The following CRHR2 variants were observed in gnomAD, a reference collection of about 807,000 sequenced individuals.
CRHR2 encodes corticotropin releasing hormone receptor 2, also known as corticotropin-releasing hormone receptor 2.
CRHR2 carries 53 observed loss-of-function variants against 57.9 expected under a neutral mutation model. The ratio of observed to expected loss-of-function variants is 0.92; its 90% CI spans 0.73 to 1.15. CRHR2 has a LOEUF of 1.15. CRHR2 is among the 50% of genes most tolerant of loss of function. The pLI, the probability that CRHR2 is intolerant of heterozygous loss-of-function variation, is 0.00. For synonymous variants in CRHR2, 213 were observed against 220.9 expected (o/e 0.96, Z 0.32); for missense variants, 532 against 542.6 (o/e 0.98, Z 0.19).
At chr7:30,676,088 T>C (rs1751652833) in intron 2 of CRHR2, among the ~76,000 whole-genome samples, 1 of 152,202 alleles carries the variant, frequency 6.6e-6, no homozygotes, top group African/African-American at 2.4e-5. Context: ...CCAGACTTGC[T>C]GTAGAACTCT....
Position 30,652,893 on chromosome 7 carries a change from C to G in CRHR2, c.*567G>C, listed in dbSNP as rs761094950. On this transcript the variant is annotated 3_prime_UTR_variant, in exon 12 of 12. Transcript: ENST00000471646. The surrounding 1 kb of genome is among the most constrained non-coding windows in gnomAD (Gnocchi z 4.4). ...TGCATCCTTCATGGAGCCCCCAAGG[C>G]GGGAGGATGGCTGGGGAGGGGACAC... 1 of 152,562 alleles carries G rather than the reference C, an allele frequency of 6.6e-6. No homozygotes were observed. Among genetic ancestry groups the G allele is most frequent in the Non-Finnish European group, 1.5e-5 (1 of 68,272 alleles). 9.5% of individuals were successfully genotyped at this position (152,562 alleles called of 1,614,324 possible). A position where few individuals can be genotyped will look rare whatever the true frequency, so the allele number is the denominator to read the frequency against.
chr7:30,671,830 TGATGATGATG>T (rs1784367106), intron 2 of CRHR2, among the ~76,000 whole-genome samples: 5 of 147,460 alleles, frequency 3.4e-5, no homozygotes, highest in Non-Finnish European at 7.4e-5. Context: ...ATGATGATGA[TGATGATGATG>T]ATAATGATGA....
At position 30,665,679 on chromosome 7, in the gene CRHR2, G is replaced by A; in HGVS notation, c.316-40C>T. 1 of 1,511,868 alleles carries A rather than the reference G, an allele frequency of 6.6e-7. No individual in the cohort carries two copies. The highest frequency in any genetic ancestry group is 9.0e-7 in the Non-Finnish European group (1 of 1,111,588). 93.7% of individuals were successfully genotyped at this position (1,511,868 alleles called of 1,614,324 possible). On this transcript the variant is annotated intron_variant, in intron 3 of 11. Transcript: ENST00000471646. This position sits in a 1 kb window ranked among gnomAD's most constrained non-coding sequence, Gnocchi z 4.5. ...ATGGGCAGGGCAGATGGAGGCATGG[G>A]CACGTGGGGGTGGGGCTGGGTATTC...
At chr7:30,679,574 A>T (rs1339635705) in intron 2 of CRHR2, among the ~76,000 whole-genome samples, 1 of 152,156 alleles carries the variant, frequency 6.6e-6, no homozygotes, top group Non-Finnish European at 1.5e-5. Context: ...TGAGTTGAAA[A>T]ATCGCAGAGA....
At chr7:30,676,680 G>C (rs375017146) in intron 2 of CRHR2, among the ~76,000 whole-genome samples, 2 of 152,348 alleles carry the variant, frequency 1.3e-5, no homozygotes, top group East Asian at 3.9e-4. Context: ...CTGAGGGCAG[G>C]TCTCAGCCTT....
intron 1 of CRHR2, among the ~76,000 whole-genome samples, chr7:30,691,906 A>G (rs1784968903): frequency 1.3e-5 from 2 of 152,180 alleles, no homozygotes; most frequent in South Asian, 2.1e-4. Context: ...CTCAGAAAAC[A>G]CATGGTCCAG....
intron 1 of CRHR2, among the ~76,000 whole-genome samples, chr7:30,696,598 C>T (rs1184272645): frequency 1.3e-5 from 2 of 152,020 alleles, no homozygotes; most frequent in African/African-American, 4.8e-5. Flanking sequence ...TTGGCAGGCG[C>T]CTATAGTCCT....
chr7:30,686,053 C>T (rs1259258253), upstream of CRHR2, among the ~76,000 whole-genome samples: 2 of 151,982 alleles, frequency 1.3e-5, no homozygotes, highest in African/African-American at 2.4e-5. Context: ...TCATGATCAT[C>T]GTCCCCCATC....
chr7:30,666,343 A>C (rs777351659), intron 3 of CRHR2, among the ~76,000 whole-genome samples: 2 of 152,228 alleles, frequency 1.3e-5, no homozygotes, highest in Non-Finnish European at 2.9e-5. Context: ...AAACTGAATA[A>C]AAGTCAGTTG....
At position 30,682,329 on chromosome 7, in the gene CRHR2, G is replaced by A. The variant is rs1171473588; in HGVS notation, c.-49C>T. 1 of 1,496,168 alleles carries A rather than the reference G, an allele frequency of 6.7e-7. No homozygotes were observed. The highest frequency in any genetic ancestry group is 8.9e-7 in the Non-Finnish European group (1 of 1,127,050). 92.7% of individuals were successfully genotyped at this position (1,496,168 alleles called of 1,614,324 possible). A position where few individuals can be genotyped will look rare whatever the true frequency, so the allele number is the denominator to read the frequency against. ...GAGGGAGTGGGAGTGCGCGCCCGGC[G>A]TGACTGCGAGGGAGTGGACGCGAGA... On this transcript the variant is annotated 5_prime_UTR_variant, in exon 1 of 12. The change creates a new upstream start codon in the 5' untranslated region. Transcript: ENST00000471646.
exon 1 of CRHR2, chr7:30,700,078 A>T (rs1373051295): frequency 2.4e-5 from 31 of 1,281,068 alleles, no homozygotes; most frequent in Non-Finnish European, 3.0e-5. Context: ...GCTGCCCAGC[A>T]CGGTGGTCAC....
chr7:30,678,918 C>T (rs1037776357), intron 2 of CRHR2, among the ~76,000 whole-genome samples: 4 of 152,186 alleles, frequency 2.6e-5, no homozygotes, highest in African/African-American at 7.2e-5. Context: ...ACAGTGTGCT[C>T]CCAAAATTGA....
intron 2 of CRHR2, among the ~76,000 whole-genome samples, chr7:30,680,919 A>C (rs974270866): frequency 6.6e-6 from 1 of 151,232 alleles, no homozygotes; most frequent in Non-Finnish European, 1.5e-5. Context: ...TGTTTCCAGG[A>C]TGAGAGGCTT....
At chr7:30,691,181 G>A (rs1784955129) in intron 1 of CRHR2, among the ~76,000 whole-genome samples, 1 of 152,168 alleles carries the variant, frequency 6.6e-6, no homozygotes, top group East Asian at 1.9e-4. Flanking sequence ...GGACAGTGAG[G>A]GCTCTAGGTC....
intron 1 of CRHR2, among the ~76,000 whole-genome samples, chr7:30,697,681 C>T (rs1335200756): frequency 6.6e-6 from 1 of 152,190 alleles, no homozygotes; most frequent in Non-Finnish European, 1.5e-5. Flanking sequence ...GAGAGCTCCC[C>T]ATGTCCTCAG....
intron 5 of CRHR2, among the ~76,000 whole-genome samples, chr7:30,664,032 C>A (rs2128142278): frequency 6.6e-6 from 1 of 152,326 alleles, no homozygotes; most frequent in Admixed American, 6.5e-5. Flanking sequence ...AGCTACCAAG[C>A]CCCTCCTCCC....
Position 30,665,420 on chromosome 7 carries a change from G to C in CRHR2, c.425+110C>G. 1 of 1,005,140 alleles carries C rather than the reference G, an allele frequency of 9.9e-7. No individual in the cohort carries two copies. The highest frequency in any genetic ancestry group is 1.5e-6 in the Non-Finnish European group (1 of 670,788). 62.3% of individuals were successfully genotyped at this position (1,005,140 alleles called of 1,614,324 possible). Reference sequence around the variant, plus strand: ...CACCCAAACCCCACTTTCTCCACGGGCCCTTTTATCTGCTGGGCCCCAGAA... The same window carrying C: ...CACCCAAACCCCACTTTCTCCACGGCCCCTTTTATCTGCTGGGCCCCAGAA... On this transcript the variant is annotated intron_variant, in intron 4 of 11. Transcript: ENST00000471646. The surrounding 1 kb of genome is among the most constrained non-coding windows in gnomAD (Gnocchi z 4.5).
At chr7:30,697,128 G>A (rs956085303) in intron 1 of CRHR2, among the ~76,000 whole-genome samples, 1 of 152,224 alleles carries the variant, frequency 6.6e-6, no homozygotes, top group Non-Finnish European at 1.5e-5. Context: ...AGGGGACACT[G>A]TGGACTCGGT....
intron 2 of CRHR2, chr7:30,688,797 G>C: frequency 2.2e-6 from 1 of 458,898 alleles, no homozygotes; most frequent in Non-Finnish European, 4.4e-6. Flanking sequence ...CCGGGCTGCT[G>C]CTTTGCAAGT....
Sources: gnomAD v4.1 joint callset for allele counts (sites outside exome capture counted in the v4.1 genomes callset) on GRCh38, gnomAD v4.1.1 for gene constraint, Gnocchi (gnomAD v3.1) non-coding constraint, MANE v1.5 for transcripts, NCBI Gene and HGNC (gene_info 2026-07-23, HGNC 2026-07-21) for gene names.